The following QTGAL variants were observed in gnomAD, a reference collection of about 807,000 sequenced individuals.
QTGAL encodes BGnT-like protein 1.
chr17:83,031,578 T>G, the QTGAL span, among the ~76,000 whole-genome samples: 1 of 152,174 alleles, frequency 6.6e-6, no homozygotes, highest in Non-Finnish European at 1.5e-5. Flanking sequence ...CATGGGACAG[T>G]CACGGGGGAG....
chr17:83,000,808 G>C, the QTGAL span, among the ~76,000 whole-genome samples: 2 of 152,202 alleles, frequency 1.3e-5, no homozygotes, highest in African/African-American at 4.8e-5. Flanking sequence ...TGCTGTGAGC[G>C]AGCCACGCAT....
chr17:82,973,566 T>C, the QTGAL span, among the ~76,000 whole-genome samples: 9 of 152,188 alleles, frequency 5.9e-5, no homozygotes, highest in African/African-American at 1.9e-4. Flanking sequence ...CACCTGGTCC[T>C]TGGGTGTCGT....
chr17:82,989,006 T>C, the QTGAL span, among the ~76,000 whole-genome samples: 2 of 152,146 alleles, frequency 1.3e-5, no homozygotes, highest in African/African-American at 4.8e-5. Flanking sequence ...TACTGGTACA[T>C]ACCCAAAGGA....
the QTGAL span, among the ~76,000 whole-genome samples, chr17:83,038,446 GT>G: frequency 1.3e-5 from 2 of 152,134 alleles, no homozygotes; most frequent in East Asian, 3.8e-4. Flanking sequence ...AAAGCAAAAT[GT>G]TTTCAAAATA....
At chr17:82,966,188 A>G in the QTGAL span, among the ~76,000 whole-genome samples, 1 of 151,144 alleles carries the variant, frequency 6.6e-6, no homozygotes, top group Non-Finnish European at 1.5e-5. Context: ...AGCAGCTAGG[A>G]CTATAGGCGC....
At chr17:83,002,583 G>T in the QTGAL span, among the ~76,000 whole-genome samples, 2 of 152,164 alleles carry the variant, frequency 1.3e-5, no homozygotes, top group Non-Finnish European at 2.9e-5. Flanking sequence ...CTCCCCCAGG[G>T]GCAGCCAAGG....
the QTGAL span, among the ~76,000 whole-genome samples, chr17:83,045,904 ATCTCTGCCTCCCGGG>A: frequency 7.0e-6 from 1 of 143,348 alleles, no homozygotes; most frequent in African/African-American, 3.0e-5. Flanking sequence ...AGAGATCGCG[ATCTCTGCCTCCCGGG>A]TTCAAGCAAT....
At chr17:83,026,632 GA>G in the QTGAL span, among the ~76,000 whole-genome samples, 3 of 150,486 alleles carry the variant, frequency 2.0e-5, no homozygotes, top group Non-Finnish European at 3.0e-5. Context: ...AGGAGGGCAG[GA>G]AGCCTGCAGA....
the QTGAL span, among the ~76,000 whole-genome samples, chr17:83,049,563 C>T: frequency 0.85 from 129,112 of 151,610 alleles, 55,478 homozygotes; most frequent in East Asian, 0.99. Context: ...CAGGTGCTGG[C>T]TGGTCATGTT....
the QTGAL span, among the ~76,000 whole-genome samples, chr17:83,018,584 GT>G: frequency 6.6e-6 from 1 of 152,136 alleles, no homozygotes; most frequent in African/African-American, 2.4e-5. Context: ...CCAAAGTCTC[GT>G]AGCAATTACA....
the QTGAL span, among the ~76,000 whole-genome samples, chr17:83,018,681 C>T: frequency 6.6e-6 from 1 of 152,366 alleles, no homozygotes; most frequent in Non-Finnish European, 1.5e-5. Flanking sequence ...ACTCACTTAA[C>T]AGCCAAAGAA....
chr17:83,039,880 C>T, the QTGAL span, among the ~76,000 whole-genome samples: 3 of 152,194 alleles, frequency 2.0e-5, no homozygotes, highest in Non-Finnish European at 4.4e-5. Context: ...TGAGACACCC[C>T]GCAGGTGAGC....
the QTGAL span, chr17:82,965,694 CG>C: frequency 6.2e-7 from 1 of 1,612,448 alleles, no homozygotes; most frequent in South Asian, 1.1e-5. Flanking sequence ...GAACCACGCT[CG>C]CGAGCAGAAC....
the QTGAL span, among the ~76,000 whole-genome samples, chr17:83,013,522 C>T: frequency 1.3e-5 from 2 of 149,728 alleles, no homozygotes; most frequent in African/African-American, 2.5e-5. Context: ...CCCCCCTGCC[C>T]GACCCCCCAC....
At chr17:82,966,121 T>C in the QTGAL span, among the ~76,000 whole-genome samples, 4 of 151,470 alleles carry the variant, frequency 2.6e-5, no homozygotes, top group African/African-American at 9.7e-5. Flanking sequence ...GTCACTCTGT[T>C]GCTCAGGCTG....
chr17:83,018,124 C>T, the QTGAL span, among the ~76,000 whole-genome samples: 2 of 152,126 alleles, frequency 1.3e-5, no homozygotes, highest in African/African-American at 4.8e-5. Context: ...GCTCCACAAA[C>T]ACGGTGCACC....
the QTGAL span, among the ~76,000 whole-genome samples, chr17:83,008,216 C>T: frequency 2.7e-4 from 41 of 152,310 alleles, no homozygotes; most frequent in South Asian, 3.3e-3. Context: ...GAGGCCTGTG[C>T]GCTGGCCTGA....
At chr17:82,979,658 T>A in the QTGAL span, among the ~76,000 whole-genome samples, 1 of 152,200 alleles carries the variant, frequency 6.6e-6, no homozygotes, top group Non-Finnish European at 1.5e-5. Context: ...ATTGGAAAAC[T>A]CTATAGTAAA....
At chr17:83,051,720 T>A in the QTGAL span, 3 of 1,481,160 alleles carry the variant, frequency 2.0e-6, no homozygotes, top group Admixed American at 2.3e-5. Context: ...CGGGGCACCC[T>A]CCCCGCTGGC....
Sources: allele counts gnomAD v4.1 joint callset (sites outside exome capture counted in the v4.1 genomes callset), GRCh38; gene constraint gnomAD v4.1.1; transcripts MANE v1.5; gene names NCBI Gene and HGNC (gene_info 2026-07-23, HGNC 2026-07-21).